The following APPL2 variants were observed in gnomAD, a reference collection of about 807,000 sequenced individuals.
APPL2 encodes DCC-interacting protein 13-beta.
Under a neutral mutation model 92.7 loss-of-function variants are expected in APPL2, and 84 were observed. That is an observed-to-expected ratio of 0.91 (90% CI 0.76 to 1.09). The LOEUF is 1.09. Among genes scored for constraint, APPL2 ranks in the 50% least tolerant of loss-of-function variants. The probability of loss-of-function intolerance (pLI) is 0.00; values close to 1 mark genes in which losing one functional copy is unlikely to be tolerated. For synonymous variants in APPL2, 291 were observed against 291.0 expected, an observed-to-expected ratio of 1.00 and a Z score of 0.00; for missense variants, 736 against 824.5, an observed-to-expected ratio of 0.89 and a Z score of 1.31.
chr12:105,204,749 C>A (rs1472281972), intron 8 of APPL2, among the ~76,000 whole-genome samples: 2 of 152,172 alleles, frequency 1.3e-5, no homozygotes, highest in African/African-American at 2.4e-5. Context: ...ATTTACACTC[C>A]TAGGCCATGT....
intron 1 of APPL2, chr12:105,229,584 T>C (rs1401772141): frequency 9.9e-7 from 1 of 1,011,428 alleles, no homozygotes; most frequent in African/African-American, 1.7e-5. Context: ...CAGCCTCTCC[T>C]CTCAAGTCCA....
intron 5 of APPL2, among the ~76,000 whole-genome samples, chr12:105,210,628 A>G (rs868470569): frequency 1.3e-5 from 2 of 152,292 alleles, no homozygotes; most frequent in Non-Finnish European, 1.5e-5. Flanking sequence ...TTTTAGTTGA[A>G]GAACCAAAAT....
At position 105,189,785 on chromosome 12, in the gene APPL2, A is replaced by C; in HGVS notation, c.1446T>G (p.Phe482Leu). Residue 482 changes from phenylalanine to leucine, a missense_variant, in exon 16 of 21, where the codon TTT becomes TTG. Transcript: ENST00000258530. ...CTAGTCACTTACCTTCTGCTTCTGG[A>C]AATGATTCATCCTCAGTTTCACCAA... ...NPFGETEDESFPEAEDSLLQQ... is the reference protein window; with the variant it reads ...NPFGETEDESLPEAEDSLLQQ... 6.2e-7 allele frequency: 1 copy of C among 1,614,218 alleles called. No individual in the cohort carries two copies. Among genetic ancestry groups the C allele is most frequent in the Non-Finnish European group, 8.5e-7 (1 of 1,180,024 alleles).
intron 2 of APPL2, among the ~76,000 whole-genome samples, chr12:105,225,263 G>A (rs538111966): frequency 2.6e-5 from 4 of 152,272 alleles, no homozygotes; most frequent in South Asian, 2.1e-4. Flanking sequence ...AGGGTTGCCA[G>A]GTTTCGTGAA....
chr12:105,175,022 T>C (rs2135869037), intron 20 of APPL2, among the ~76,000 whole-genome samples: 1 of 152,300 alleles, frequency 6.6e-6, no homozygotes, highest in Middle Eastern at 3.4e-3. Context: ...TAGCTGGGAC[T>C]ACAGGTGTGC....
chr12:105,198,914 C>T (rs751425647), intron 10 of APPL2, among the ~76,000 whole-genome samples: 1 of 152,212 alleles, frequency 6.6e-6, no homozygotes. Flanking sequence ...TCAAAACGGA[C>T]ACTTAAAGAC....
chr12:105,178,669 A>G (rs1338680567), intron 17 of APPL2, among the ~76,000 whole-genome samples: 1 of 152,198 alleles, frequency 6.6e-6, no homozygotes, highest in African/African-American at 2.4e-5. Context: ...GATCTTGTGC[A>G]AGTCACCCGG....
At chr12:105,178,068 G>C (rs912829213) in intron 17 of APPL2, among the ~76,000 whole-genome samples, 1 of 152,124 alleles carries the variant, frequency 6.6e-6, no homozygotes. Flanking sequence ...TGGGATTACA[G>C]GCATGAACCA....
In APPL2 at chr12:105,195,457, G is replaced by C. The variant is rs759740021; in HGVS notation, c.1140C>G (p.Thr380=). 5 of 1,613,992 alleles carry C rather than the reference G, an allele frequency of 3.1e-6. No homozygotes were observed. The African/African-American group carries it at 5.3e-5, about 17-fold the overall frequency. ...GGCTGATAATTACCTCAGGGTTGTC[G>C]GTCAGGTAGATCTGTCTGGAGATGT... ...INNISRQIYL[T]DNPEAVAIKL... The change falls in exon 13 of 21, where the codon ACC becomes ACG. Residue 380 remains threonine, a synonymous_variant. Coordinates refer to ENST00000258530, the MANE Select transcript of APPL2 (RefSeq NM_018171.5).
chr12:105,207,283 T>C lies in APPL2; in HGVS notation c.475-76A>G, dbSNP rs901621592. ...TTCTGTAAAAGCGTGTGCTTCAAAA[T>C]GTGTGTTTATGCATTATAACCATTT... On this transcript the variant is annotated intron_variant, in intron 7 of 20. Coordinates refer to ENST00000258530, the MANE Select transcript of APPL2 (RefSeq NM_018171.5). 3.6e-6 allele frequency: 5 copies of C among 1,402,922 alleles called. No individual in the cohort carries two copies. The African/African-American group carries it at 4.3e-5, about 12-fold the overall frequency. 86.9% of individuals were successfully genotyped at this position (1,402,922 alleles called of 1,614,324 possible). A position where few individuals can be genotyped will look rare whatever the true frequency, so the allele number is the denominator to read the frequency against.
At position 105,236,118 on chromosome 12, in the gene APPL2, T is replaced by G; in HGVS notation, c.-106A>C. On this transcript the variant is annotated 5_prime_UTR_variant, in exon 1 of 21. Transcript: ENST00000258530. ...TGGGCTCAGGCGACGCGGCGGCCAC[T>G]CCGTGCCCGCGGCGGCCCCGCGCGC... 1 of 812,960 alleles carries G rather than the reference T, an allele frequency of 1.2e-6. No homozygotes were observed. The highest frequency in any genetic ancestry group is 1.6e-6 in the Non-Finnish European group (1 of 629,164). The allele number at this position is 812,960 out of a possible 1,614,324, so 50.4% of individuals were successfully genotyped here.
chr12:105,234,354 G>A (rs984209831), intron 1 of APPL2, among the ~76,000 whole-genome samples: 1 of 152,212 alleles, frequency 6.6e-6, no homozygotes, highest in African/African-American at 2.4e-5. Flanking sequence ...TGGAGATGAA[G>A]AGACTCACCC....
At chr12:105,204,330 T>C (rs1888514894) in intron 8 of APPL2, among the ~76,000 whole-genome samples, 1 of 152,222 alleles carries the variant, frequency 6.6e-6, no homozygotes, top group Non-Finnish European at 1.5e-5. Flanking sequence ...CCGGCTCGTC[T>C]GTCTGACCTG....
At chr12:105,204,092 G>C (rs1888483923) in intron 8 of APPL2, among the ~76,000 whole-genome samples, 1 of 152,200 alleles carries the variant, frequency 6.6e-6, no homozygotes, top group Non-Finnish European at 1.5e-5. Context: ...TGGGAGAGGG[G>C]AAGAAGAACA....
rs1000850521 is a variant in APPL2, at chr12:105,235,799, C to T, written c.54+160G>A. ...GGCTCAGGACTCAGGGCCCGGCCCG[C>T]CCCCTCCTCAGCCCGAGAGAACCCG... On this transcript the variant is annotated intron_variant, in intron 1 of 20. Coordinates refer to ENST00000258530, the MANE Select transcript of APPL2 (RefSeq NM_018171.5). 2.6e-5 allele frequency among the ~76,000 whole-genome samples: 4 copies of T among 152,176 alleles called. No individual in the cohort carries two copies. The South Asian group carries it at 8.3e-4, about 32-fold the overall frequency.
chr12:105,225,185 A>C (rs1890400711), intron 2 of APPL2, among the ~76,000 whole-genome samples: 1 of 152,036 alleles, frequency 6.6e-6, no homozygotes, highest in African/African-American at 2.4e-5. Flanking sequence ...AAACCAAAAA[A>C]TCTCATACAA....
chr12:105,203,203 C>T (rs1888379326), intron 9 of APPL2, among the ~76,000 whole-genome samples: 1 of 152,186 alleles, frequency 6.6e-6, no homozygotes, highest in Non-Finnish European at 1.5e-5. Flanking sequence ...GGGCGGGTGG[C>T]AGGGCGCCCA....
intron 2 of APPL2, among the ~76,000 whole-genome samples, chr12:105,225,670 C>T (rs1020235225): frequency 1.3e-5 from 2 of 152,196 alleles, no homozygotes; most frequent in African/African-American, 4.8e-5. Context: ...AAAGGACCCA[C>T]AATGGACTAT....
chr12:105,203,849 G>A (rs917891757), intron 8 of APPL2, 64 bp from the exon 9 acceptor site: 1 of 1,421,714 alleles, frequency 7.0e-7, no homozygotes, highest in African/African-American at 1.4e-5. Flanking sequence ...ACTCACTGAA[G>A]GTGAGACAGG....
Sources: allele counts gnomAD v4.1 joint callset (sites outside exome capture counted in the v4.1 genomes callset), GRCh38; gene constraint gnomAD v4.1.1; transcripts MANE v1.5; gene names NCBI Gene and HGNC (gene_info 2026-07-23, HGNC 2026-07-21).